The following MGAT4C variants were observed in gnomAD, a reference collection of about 807,000 sequenced individuals.
MGAT4C encodes MGAT4 family member C.
MGAT4C carries 19 observed loss-of-function variants against 40.1 expected under a neutral mutation model. The ratio of observed to expected loss-of-function variants is 0.47; its 90% CI spans 0.33 to 0.70. The LOEUF (loss-of-function observed/expected upper bound fraction) is 0.70, where lower values mean the gene tolerates loss of function less well. Ranked by LOEUF, MGAT4C falls within the 30% of genes least tolerant of loss-of-function variation. MGAT4C has a pLI of 0.02. For synonymous variants in MGAT4C, 181 were observed against 187.1 expected, an observed-to-expected ratio of 0.97 and a Z score of 0.27; for missense variants, 491 against 563.2, an observed-to-expected ratio of 0.87 and a Z score of 1.30.
At chr12:86,281,179 C>T (rs1365520283) in intron 4 of MGAT4C, among the ~76,000 whole-genome samples, 4 of 151,536 alleles carry the variant, frequency 2.6e-5, no homozygotes, top group African/African-American at 7.3e-5. Flanking sequence ...TTATGACTTA[C>T]GGTATACATC....
intron 1 of MGAT4C, among the ~76,000 whole-genome samples, chr12:86,061,725 G>T (rs1418529696): frequency 6.6e-6 from 1 of 152,112 alleles, no homozygotes; most frequent in African/African-American, 2.4e-5. Flanking sequence ...TGAGTAGGCA[G>T]TTTTACCCTC....
intron 4 of MGAT4C, among the ~76,000 whole-genome samples, chr12:86,303,942 A>G (rs1396516393): frequency 6.7e-6 from 1 of 150,210 alleles, no homozygotes; most frequent in Non-Finnish European, 1.5e-5. Context: ...CTCAACCTCT[A>G]TATATCTGTG....
At chr12:86,281,467 C>A (rs1323848566) in intron 4 of MGAT4C, among the ~76,000 whole-genome samples, 1 of 150,146 alleles carries the variant, frequency 6.7e-6, no homozygotes, top group Non-Finnish European at 1.5e-5. Context: ...TATGTATCTT[C>A]AAAATGTATC....
intron 4 of MGAT4C, among the ~76,000 whole-genome samples, chr12:86,293,172 A>G (rs1953569486): frequency 6.6e-6 from 1 of 152,166 alleles, no homozygotes; most frequent in Non-Finnish European, 1.5e-5. Flanking sequence ...GCTAGTTATA[A>G]ATGTGACTAT....
chr12:86,824,392 A>G (rs1211410587), intron 1 of MGAT4C, among the ~76,000 whole-genome samples: 1 of 151,484 alleles, frequency 6.6e-6, no homozygotes, highest in East Asian at 1.9e-4. Flanking sequence ...TGAATCTTCT[A>G]TTTGGAGATG....
chr12:86,006,180 T>A (rs372007374), intron 2 of MGAT4C, among the ~76,000 whole-genome samples: 2 of 152,142 alleles, frequency 1.3e-5, no homozygotes, highest in African/African-American at 4.8e-5. Context: ...ATGGAAACAC[T>A]TCATGCTGTC....
At position 86,146,949 on chromosome 12, in the gene MGAT4C, T is replaced by C. The variant is rs551256180; in HGVS notation, c.-56-97226A>G. Among the ~76,000 whole-genome samples, 14 of 152,282 alleles carry C rather than the reference T, an allele frequency of 9.2e-5. No homozygotes were observed. The South Asian group carries it at 2.7e-3, about 29-fold the overall frequency. On this transcript the variant is annotated intron_variant, in intron 1 of 4. Transcript: ENST00000611864. The stretch of plus-strand genomic sequence containing the variant: ...TAAACTTCACCAACTCTGTAAAGTT[T>C]GGAAGTATTTCTACTGCACAACACT...
chr12:86,727,821 A>T (rs1374319309), intron 1 of MGAT4C, among the ~76,000 whole-genome samples: 1 of 152,046 alleles, frequency 6.6e-6, no homozygotes, highest in Non-Finnish European at 1.5e-5. Context: ...TATATATGAA[A>T]AGATCTATGT....
At chr12:86,177,989 T>G (rs1028431827) in intron 1 of MGAT4C, among the ~76,000 whole-genome samples, 1 of 152,136 alleles carries the variant, frequency 6.6e-6, no homozygotes, top group African/African-American at 2.4e-5. Context: ...CAGGCTGGAG[T>G]GCAGTGGCGC....
intron 2 of MGAT4C, among the ~76,000 whole-genome samples, chr12:86,014,730 T>G (rs1490346613): frequency 6.6e-6 from 1 of 152,102 alleles, no homozygotes; most frequent in African/African-American, 2.4e-5. Flanking sequence ...GGCCTGGAAT[T>G]TGCTGAGTTT....
rs1459740186 is a variant in MGAT4C, at chr12:85,970,484, T to G, written c.*8805A>C. 1 of 151,344 alleles carries G rather than the reference T, an allele frequency of 6.6e-6. No individual in the cohort carries two copies. The highest frequency in any genetic ancestry group is 1.5e-5 in the Non-Finnish European group (1 of 67,394). 9.4% of individuals were successfully genotyped at this position (151,344 alleles called of 1,614,324 possible). A position where few individuals can be genotyped will look rare whatever the true frequency, so the allele number is the denominator to read the frequency against. ...ACTTATAAATCCCCTTATGCTAACT[T>G]AAAACTTGTGAATGTTTAGTGTTAT... On this transcript the variant is annotated 3_prime_UTR_variant, in exon 5 of 5. Coordinates refer to ENST00000611864, the MANE Select transcript of MGAT4C (RefSeq NM_001351288.2).
intron 2 of MGAT4C, among the ~76,000 whole-genome samples, chr12:86,714,040 A>G (rs1392409544): frequency 6.6e-6 from 1 of 152,202 alleles, no homozygotes; most frequent in Non-Finnish European, 1.5e-5. Flanking sequence ...AGGAAGCAAC[A>G]GCACTAAATT....
intron 4 of MGAT4C, among the ~76,000 whole-genome samples, chr12:86,301,796 A>C (rs1953818953): frequency 6.6e-6 from 1 of 152,216 alleles, no homozygotes; most frequent in African/African-American, 2.4e-5. Flanking sequence ...AATACTTCTC[A>C]AATCAAGATT....
At chr12:86,117,332 C>T (rs924138208) in intron 1 of MGAT4C, among the ~76,000 whole-genome samples, 9 of 152,044 alleles carry the variant, frequency 5.9e-5, no homozygotes, top group African/African-American at 2.2e-4. Context: ...GGATTTTGAG[C>T]AGGAAGGAGA....
At chr12:86,726,066 A>T (rs1950816584) in intron 2 of MGAT4C, among the ~76,000 whole-genome samples, 1 of 152,224 alleles carries the variant, frequency 6.6e-6, no homozygotes, top group Non-Finnish European at 1.5e-5. Flanking sequence ...TTTCCAATTG[A>T]AACTGGAGCT....
intron 2 of MGAT4C, among the ~76,000 whole-genome samples, chr12:86,039,699 C>G (rs1891614383): frequency 2.0e-5 from 3 of 152,106 alleles, no homozygotes; most frequent in Admixed American, 6.6e-5. Context: ...TTTGTTGTTA[C>G]TCACCTTCTG....
At chr12:86,759,880 T>C (rs1951371098) in intron 1 of MGAT4C, among the ~76,000 whole-genome samples, 2 of 152,134 alleles carry the variant, frequency 1.3e-5, no homozygotes, top group Non-Finnish European at 2.9e-5. Flanking sequence ...ATTTTTAAAA[T>C]GTTTCAGTTT....
chr12:86,365,824 T>C (rs571027074), intron 3 of MGAT4C, among the ~76,000 whole-genome samples: 6 of 152,270 alleles, frequency 3.9e-5, no homozygotes, highest in Non-Finnish European at 8.8e-5. Flanking sequence ...GGTAATGTGA[T>C]ACCTTGGGCT....
At chr12:86,806,862 G>A (rs1392984228) in intron 1 of MGAT4C, among the ~76,000 whole-genome samples, 10 of 151,852 alleles carry the variant, frequency 6.6e-5, no homozygotes, top group Admixed American at 5.9e-4. Context: ...GTTGTGGGGT[G>A]GGGGTAGCGG....
Sources: allele counts gnomAD v4.1 joint callset (sites outside exome capture counted in the v4.1 genomes callset), GRCh38; gene constraint gnomAD v4.1.1; transcripts MANE v1.5; gene names NCBI Gene and HGNC (gene_info 2026-07-23, HGNC 2026-07-21).